Variants in HYAL4 observed in about 807,000 individuals in gnomAD.
The protein encoded by HYAL4 is hyaluronidase-4.
In HYAL4, 37 loss-of-function variants were observed where a neutral mutation model predicts 35.2. That is an observed-to-expected ratio of 1.05 (90% confidence interval 0.81 to 1.38). HYAL4 has a LOEUF of 1.38. HYAL4 is among the 40% of genes most tolerant of loss of function. The probability of loss-of-function intolerance (pLI) is 0.00; values close to 1 mark genes in which losing one functional copy is unlikely to be tolerated. For missense variants in HYAL4, 572 were observed against 572.4 expected (o/e 1.00, Z 0.01); for synonymous variants, 198 against 203.2 (o/e 0.97, Z 0.22).
At chr7:123,799,783 A>C in the HYAL4 span, among the ~76,000 whole-genome samples, 3 of 152,240 alleles carry the variant, frequency 2.0e-5, no homozygotes, top group African/African-American at 7.2e-5. Context: ...CTGCACTTTA[A>C]ACAAGGTCTC....
intron 4 of HYAL4, among the ~76,000 whole-genome samples, chr7:123,876,417 A>G (rs1302170665): frequency 6.6e-6 from 1 of 152,158 alleles, no homozygotes; most frequent in Non-Finnish European, 1.5e-5. Flanking sequence ...CTTGGGAGCT[A>G]GAAGGAAGAA....
intron 2 of HYAL4, among the ~76,000 whole-genome samples, chr7:123,857,111 C>T (rs189202718): frequency 1.1e-3 from 167 of 152,302 alleles, no homozygotes; most frequent in African/African-American, 3.7e-3. Flanking sequence ...TGGATCTTAG[C>T]TTGCTGGGCT....
the HYAL4 span, among the ~76,000 whole-genome samples, chr7:123,805,705 A>T: frequency 8.5e-5 from 13 of 152,226 alleles, no homozygotes; most frequent in Non-Finnish European, 1.6e-4. Context: ...GTAAGATCAT[A>T]GACTCAAAAT....
chr7:123,853,392 A>T (rs2402674), intron 2 of HYAL4, among the ~76,000 whole-genome samples: 127,996 of 151,872 alleles, frequency 0.84, 54,049 homozygotes, highest in Non-Finnish European at 0.87. Context: ...CTCTTATTGT[A>T]TTGAGATACA....
At chr7:123,841,639 G>A (rs138383179), upstream of HYAL4, among the ~76,000 whole-genome samples, 187 of 151,904 alleles carry the variant, frequency 1.2e-3, 4 homozygotes, top group East Asian at 0.024. Flanking sequence ...TTTTTTGGTT[G>A]GTAGGCTATT....
At chr7:123,833,644 G>GAAAT (rs1007006480) in intron 1 of HYAL4, among the ~76,000 whole-genome samples, 48 of 152,116 alleles carry the variant, frequency 3.2e-4, no homozygotes, top group African/African-American at 1.1e-3. Context: ...TCTTGGTCAT[G>GAAAT]AAATCCTTGC....
upstream of HYAL4, among the ~76,000 whole-genome samples, chr7:123,843,535 T>A (rs188150998): frequency 1.2e-4 from 19 of 152,180 alleles, no homozygotes; most frequent in East Asian, 2.5e-3. Context: ...TGAATTTGAA[T>A]GTTGGCCTGC....
chr7:123,864,970 C>T (rs1419901677), intron 2 of HYAL4, among the ~76,000 whole-genome samples: 1 of 151,942 alleles, frequency 6.6e-6, no homozygotes, highest in Admixed American at 6.6e-5. Flanking sequence ...GGAGCTATGT[C>T]TACCATCTGC....
chr7:123,780,033 G>C, the HYAL4 span, among the ~76,000 whole-genome samples: 4 of 152,266 alleles, frequency 2.6e-5, no homozygotes, highest in African/African-American at 4.8e-5. Context: ...TTCTCATTAA[G>C]ACTGTAGGCT....
the HYAL4 span, among the ~76,000 whole-genome samples, chr7:123,771,298 C>T: frequency 6.6e-6 from 1 of 152,180 alleles, no homozygotes. Flanking sequence ...GATTCCAAAT[C>T]TCAGTCAACA....
chr7:123,775,699 CCATCTTTAGATGT>C, the HYAL4 span, among the ~76,000 whole-genome samples: 4 of 152,160 alleles, frequency 2.6e-5, no homozygotes, highest in Admixed American at 6.5e-5. Context: ...TATTTTTCCT[CCATCTTTAGATGT>C]CATCTTTAGA....
the HYAL4 span, among the ~76,000 whole-genome samples, chr7:123,782,543 TA>T: frequency 6.6e-6 from 1 of 152,088 alleles, no homozygotes; most frequent in Admixed American, 6.6e-5. Flanking sequence ...CCTATAAAAG[TA>T]GGGTGACCAT....
At chr7:123,858,322 T>C (rs1431194481) in intron 2 of HYAL4, among the ~76,000 whole-genome samples, 1 of 152,178 alleles carries the variant, frequency 6.6e-6, no homozygotes, top group East Asian at 1.9e-4. Flanking sequence ...TTTGATGGGC[T>C]TGAAATCTCA....
upstream of HYAL4, among the ~76,000 whole-genome samples, chr7:123,828,501 G>T (rs1374049313): frequency 3.3e-5 from 5 of 151,142 alleles, no homozygotes; most frequent in Non-Finnish European, 5.9e-5. Context: ...AACTTTAGGA[G>T]AATTGTTATC....
the HYAL4 span, among the ~76,000 whole-genome samples, chr7:123,785,761 A>G: frequency 6.6e-6 from 1 of 152,176 alleles, no homozygotes. This position sits in a 1 kb window ranked among gnomAD's most constrained non-coding sequence, Gnocchi z 4.5. Flanking sequence ...TCAGAGCTGG[A>G]TTAAGGCATG....
At chr7:123,786,713 GCTAT>G in the HYAL4 span, among the ~76,000 whole-genome samples, 2,341 of 148,444 alleles carry the variant, frequency 0.016, 30 homozygotes, top group East Asian at 0.02. Flanking sequence ...TGTATCACAT[GCTAT>G]CTATCTATCT....
At chr7:123,839,257 A>T (rs564239377) in intron 1 of HYAL4, among the ~76,000 whole-genome samples, 3 of 151,902 alleles carry the variant, frequency 2.0e-5, no homozygotes, top group Non-Finnish European at 4.4e-5. Context: ...CATCCCTGTG[A>T]TAGTTTGCTG....
chr7:123,771,520 C>T, the HYAL4 span, among the ~76,000 whole-genome samples: 5 of 152,128 alleles, frequency 3.3e-5, no homozygotes, highest in African/African-American at 1.2e-4. Flanking sequence ...CTCTTCAGCT[C>T]ATCATTCACA....
the HYAL4 span, among the ~76,000 whole-genome samples, chr7:123,769,536 C>A: frequency 6.6e-6 from 1 of 152,002 alleles, no homozygotes; most frequent in African/African-American, 2.4e-5. Flanking sequence ...TATGAGCTGC[C>A]AAGAAAGGGG....
Sources: gnomAD v4.1 joint callset for allele counts (sites outside exome capture counted in the v4.1 genomes callset) on GRCh38, gnomAD v4.1.1 for gene constraint, Gnocchi (gnomAD v3.1) non-coding constraint, MANE v1.5 for transcripts, NCBI Gene and HGNC (gene_info 2026-07-23, HGNC 2026-07-21) for gene names.